Variants in CTNNA2 observed in about 807,000 individuals in gnomAD.
CTNNA2 encodes the protein catenin alpha-2.
In CTNNA2, 42 loss-of-function variants were observed where a neutral mutation model predicts 101.0. That is an observed-to-expected ratio of 0.42 (90% CI 0.32 to 0.54). The LOEUF (loss-of-function observed/expected upper bound fraction) is 0.54, where lower values mean the gene tolerates loss of function less well. Among genes scored for constraint, CTNNA2 ranks in the 20% least tolerant of loss-of-function variants. The pLI is 0.14. For missense variants in CTNNA2, 871 were observed against 1,223.1 expected, an observed-to-expected ratio of 0.71 and a Z score of 4.29; for synonymous variants, 450 against 456.4, an observed-to-expected ratio of 0.99 and a Z score of 0.18.
At chr2:79,364,456 A>C (rs563349070) in intron 3 of CTNNA2, among the ~76,000 whole-genome samples, 17 of 152,322 alleles carry the variant, frequency 1.1e-4, no homozygotes, top group African/African-American at 4.1e-4. Flanking sequence ...CTACTCTTTC[A>C]GAATACAGTT....
chr2:79,269,102 G>A (rs1276538384), intron 2 of CTNNA2, among the ~76,000 whole-genome samples: 2 of 152,020 alleles, frequency 1.3e-5, no homozygotes, highest in Admixed American at 1.3e-4. Flanking sequence ...GCTCAGAACA[G>A]AAAGAAAATA....
chr2:79,262,507 A>G (rs767350558), intron 2 of CTNNA2, among the ~76,000 whole-genome samples: 1 of 152,180 alleles, frequency 6.6e-6, no homozygotes, highest in African/African-American at 2.4e-5. Flanking sequence ...TATTCTTAAA[A>G]CTAGAAAATA....
chr2:79,944,013 C>T (rs1688327438), intron 7 of CTNNA2, among the ~76,000 whole-genome samples: 16 of 152,012 alleles, frequency 1.1e-4, no homozygotes, highest in Admixed American at 1.0e-3. Context: ...ATTTTTCTTC[C>T]CTTGTGTCTG....
At chr2:79,813,777 C>T (rs576290141) in intron 3 of CTNNA2, among the ~76,000 whole-genome samples, 5 of 152,264 alleles carry the variant, frequency 3.3e-5, no homozygotes, top group African/African-American at 1.2e-4. Context: ...GAAAAAAGCA[C>T]ACTCTTATAA....
chr2:80,359,389 T>C (rs1486788986), intron 7 of CTNNA2, among the ~76,000 whole-genome samples: 1 of 152,218 alleles, frequency 6.6e-6, no homozygotes, highest in Non-Finnish European at 1.5e-5. Context: ...TTTGGATCTG[T>C]ATTCCCACCT....
intron 7 of CTNNA2, among the ~76,000 whole-genome samples, chr2:80,236,611 A>G (rs1303858253): frequency 6.6e-6 from 1 of 152,204 alleles, no homozygotes; most frequent in African/African-American, 2.4e-5. Context: ...TGCAGGAGGA[A>G]AGGAAAATGG....
intron 4 of CTNNA2, among the ~76,000 whole-genome samples, chr2:79,411,895 A>G (rs1678416571): frequency 6.6e-6 from 1 of 152,130 alleles, no homozygotes; most frequent in Non-Finnish European, 1.5e-5. Flanking sequence ...ACACATAACA[A>G]TATTATCTTT....
intron 7 of CTNNA2, among the ~76,000 whole-genome samples, chr2:80,005,491 A>G (rs1238339628): frequency 1.3e-5 from 2 of 152,170 alleles, no homozygotes; most frequent in Non-Finnish European, 2.9e-5. Context: ...GGCAACTAAC[A>G]TTCGCTGTTC....
chr2:80,643,532 T>G (rs933004460), intron 18 of CTNNA2, among the ~76,000 whole-genome samples: 2 of 152,112 alleles, frequency 1.3e-5, no homozygotes, highest in African/African-American at 4.8e-5. Context: ...TAATGGGATA[T>G]CCTATAGGAA....
chr2:79,292,580 G>A (rs1573043692), intron 2 of CTNNA2, among the ~76,000 whole-genome samples: 1 of 152,150 alleles, frequency 6.6e-6, no homozygotes, highest in East Asian at 1.9e-4. Flanking sequence ...TTAGAAGCAG[G>A]GGTATGGTTA....
chr2:79,715,983 T>C (rs1383094804), intron 2 of CTNNA2, among the ~76,000 whole-genome samples: 2 of 151,856 alleles, frequency 1.3e-5, no homozygotes, highest in Non-Finnish European at 2.9e-5. Flanking sequence ...ATAAATTTCA[T>C]CATTGAATTT....
chr2:79,543,660 G>A (rs1022804248), intron 1 of CTNNA2, among the ~76,000 whole-genome samples: 16 of 152,060 alleles, frequency 1.1e-4, no homozygotes, highest in Non-Finnish European at 1.9e-4. Context: ...TCATTTAATA[G>A]ATGATTATAT....
At chr2:79,794,851 T>C (rs1481642173) in intron 3 of CTNNA2, among the ~76,000 whole-genome samples, 1 of 152,182 alleles carries the variant, frequency 6.6e-6, no homozygotes, top group East Asian at 1.9e-4. Flanking sequence ...TACTTCAGGC[T>C]CCCTCTTCAG....
In CTNNA2 at chr2:79,453,341, T is replaced by C. The variant is rs185978069; in HGVS notation, c.-134-51713T>C. 2.4e-3 allele frequency among the ~76,000 whole-genome samples: 372 copies of C among 152,302 alleles called. 5 individuals are homozygous for C. Among genetic ancestry groups the C allele is most frequent in the African/African-American group, 8.1e-3 (338 of 41,576 alleles). ...AGAAATGGCAAGGTAGGCAGTATCA[T>C]TTTTAAATAAAAAATTTAAATATGC... On this transcript the variant is annotated intron_variant, in intron 4 of 21. Transcript: ENST00000466387.
intron 7 of CTNNA2, among the ~76,000 whole-genome samples, chr2:79,915,787 G>A (rs989046994): frequency 1.3e-5 from 2 of 152,082 alleles, no homozygotes; most frequent in African/African-American, 4.8e-5. Context: ...ATATAAATCT[G>A]ATTTTTATCT....
chr2:79,842,461 T>G (rs1679895756), intron 3 of CTNNA2, among the ~76,000 whole-genome samples: 1 of 152,164 alleles, frequency 6.6e-6, no homozygotes, highest in Non-Finnish European at 1.5e-5. Flanking sequence ...CTATTATTAT[T>G]GCTATTACTA....
At chr2:80,240,857 TTCTGAAG>T (rs981485219) in intron 7 of CTNNA2, among the ~76,000 whole-genome samples, 4 of 152,146 alleles carry the variant, frequency 2.6e-5, no homozygotes, top group Admixed American at 2.6e-4. Flanking sequence ...TGGGTACATT[TTCTGAAG>T]TAGCATCAGG....
intron 2 of CTNNA2, among the ~76,000 whole-genome samples, chr2:79,693,044 A>G (rs1023481256): frequency 6.6e-6 from 1 of 151,990 alleles, no homozygotes; most frequent in South Asian, 2.1e-4. Context: ...AATTAAAAAA[A>G]TAAAGCTATA....
intron 8 of CTNNA2, among the ~76,000 whole-genome samples, chr2:80,415,344 G>T (rs1679947275): frequency 6.6e-6 from 1 of 152,118 alleles, no homozygotes. Context: ...GATATTTCAA[G>T]CTTATTTGTA....
Sources: allele counts gnomAD v4.1 joint callset (sites outside exome capture counted in the v4.1 genomes callset), GRCh38; gene constraint gnomAD v4.1.1; transcripts MANE v1.5; gene names NCBI Gene and HGNC (gene_info 2026-07-23, HGNC 2026-07-21).